The following PCDHA2 variants were observed in gnomAD, a reference collection of about 807,000 sequenced individuals.
The protein encoded by PCDHA2 is protocadherin alpha-2.
Under a neutral mutation model 66.0 loss-of-function variants are expected in PCDHA2, and 58 were observed. That is an observed-to-expected ratio of 0.88 (90% CI 0.71 to 1.09). PCDHA2 has a LOEUF of 1.09. Ranked by LOEUF, PCDHA2 falls within the 50% of genes least tolerant of loss-of-function variation. The pLI is 0.00. For synonymous variants in PCDHA2, 634 were observed against 554.0 expected (o/e 1.14, Z -2.03); for missense variants, 1,267 against 1,242.3 (o/e 1.02, Z -0.30).
chr5:140,871,489 G>C (rs782277615), intron 1 of PCDHA2: 1 of 1,590,138 alleles, frequency 6.3e-7, no homozygotes, highest in Non-Finnish European at 8.6e-7. Context: ...AAATCACCCC[G>C]GACAGGTGAG....
intron 3 of PCDHA2, among the ~76,000 whole-genome samples, chr5:141,007,422 G>C (rs190866782): frequency 7.0e-6 from 1 of 143,592 alleles, no homozygotes; most frequent in Non-Finnish European, 1.5e-5. Flanking sequence ...AAAAAAATTA[G>C]CCAGGCATGG....
intron 1 of PCDHA2, among the ~76,000 whole-genome samples, chr5:140,972,293 C>T (rs912767406): frequency 2.0e-5 from 3 of 151,768 alleles, no homozygotes; most frequent in Non-Finnish European, 4.4e-5. Flanking sequence ...ATGTGCGCCA[C>T]CGTGTCTGAC....
chr5:141,008,346 C>T lies in PCDHA2; in HGVS notation c.2537-1281C>T, dbSNP rs1223206383. Among the ~76,000 whole-genome samples the T allele has an allele frequency of 2.0e-5, 3 of 152,158 alleles. No homozygotes were observed. The East Asian group carries it at 5.8e-4, about 29-fold the overall frequency. On this transcript the variant is annotated intron_variant, in intron 3 of 3. Coordinates refer to ENST00000526136, the MANE Select transcript of PCDHA2 (RefSeq NM_018905.3). ...ACAGTTTATTTGATGGAGCTTTTCA[C>T]GTGTCAACCAAAGGAGCAGTGTTAG...
chr5:140,900,081 G>T (rs1306300563), intron 1 of PCDHA2, among the ~76,000 whole-genome samples: 1 of 152,062 alleles, frequency 6.6e-6, no homozygotes, highest in African/African-American at 2.4e-5. Context: ...AAGTGCTGCA[G>T]TTACAAGCAT....
intron 1 of PCDHA2, chr5:140,883,163 A>C: frequency 6.2e-7 from 1 of 1,614,068 alleles, no homozygotes; most frequent in South Asian, 1.1e-5. Context: ...AAATCCGAAC[A>C]ATGGAGAAAT....
intron 1 of PCDHA2, chr5:140,834,620 G>A (rs1773151452): frequency 1.9e-6 from 3 of 1,614,080 alleles, no homozygotes; most frequent in Non-Finnish European, 2.5e-6. Flanking sequence ...AGGTAAATCT[G>A]CAGAATGGCA....
In PCDHA2 at chr5:140,823,556, G is replaced by C; in HGVS notation, c.2388+26204G>C. ...GCGGGCCACGTGGTGGCGAAGGTGC[G>C]CGCAGTGGACCCTGATTCGGGCTAC... On this transcript the variant is annotated intron_variant, in intron 1 of 3. Coordinates refer to ENST00000526136, the MANE Select transcript of PCDHA2 (RefSeq NM_018905.3). 6.2e-7 allele frequency: 1 copy of C among 1,613,890 alleles called. No homozygotes were observed. Among genetic ancestry groups the C allele is most frequent in the South Asian group, 1.1e-5 (1 of 91,064 alleles).
At chr5:140,807,705 G>T in intron 1 of PCDHA2, 2 of 1,614,218 alleles carry the variant, frequency 1.2e-6, no homozygotes, top group Non-Finnish European at 1.7e-6. Context: ...TACAGACTGA[G>T]CCCAAATGAA....
At position 140,969,194 on chromosome 5, in the gene PCDHA2, A is replaced by G. The variant is rs782262250; in HGVS notation, c.2389-9755A>G. On this transcript the variant is annotated intron_variant, in intron 1 of 3. Coordinates refer to ENST00000526136, the MANE Select transcript of PCDHA2 (RefSeq NM_018905.3). ...AGGGAGTGACACTTTCATGTTTTAC[A>G]ATACAGGGGCCCAGACAGGACCAGG... 1.8e-5 allele frequency: 29 copies of G among 1,614,026 alleles called. No homozygotes were observed. The highest frequency in any genetic ancestry group is 2.3e-5 in the Non-Finnish European group (27 of 1,180,018).
At chr5:140,978,827 G>T (rs2096825118) in intron 1 of PCDHA2, 122 bp from the exon 2 acceptor site, 2 of 1,528,744 alleles carry the variant, frequency 1.3e-6, no homozygotes, top group Admixed American at 2.0e-5. Flanking sequence ...ACATGAAATG[G>T]CTCATTCAAT....
At chr5:140,865,318 CT>C (rs1554159374) in intron 1 of PCDHA2, 1 of 152,042 alleles carries the variant, frequency 6.6e-6, no homozygotes, top group Non-Finnish European at 1.5e-5. Flanking sequence ...ATGAGATGGC[CT>C]TTAATTCTGT....
At chr5:140,987,211 C>T (rs1190567678) in intron 3 of PCDHA2, among the ~76,000 whole-genome samples, 2 of 145,072 alleles carry the variant, frequency 1.4e-5, no homozygotes, top group Non-Finnish European at 3.0e-5. Flanking sequence ...GAGACTCCAT[C>T]TCAAAAAAAA....
chr5:140,980,395 G>T (rs182782153), intron 2 of PCDHA2, among the ~76,000 whole-genome samples: 4 of 152,316 alleles, frequency 2.6e-5, no homozygotes, highest in Non-Finnish European at 5.9e-5. Context: ...ACTTTGGGAG[G>T]CCGAGGTGGG....
chr5:140,838,074 TATAGTGTGTG>T (rs1562368260), intron 1 of PCDHA2, among the ~76,000 whole-genome samples: 2 of 120,528 alleles, frequency 1.7e-5, no homozygotes, highest in African/African-American at 6.6e-5. Flanking sequence ...GTTATATATA[TATAGTGTGTG>T]TGTGTGTGTG....
intron 1 of PCDHA2, among the ~76,000 whole-genome samples, chr5:140,950,427 C>T (rs393858): frequency 0.56 from 85,078 of 151,138 alleles, 24,477 homozygotes; most frequent in African/African-American, 0.69. Flanking sequence ...TTTTCTTCCA[C>T]TTAAAAAAAA....
chr5:140,886,689 G>C (rs1267444522), intron 1 of PCDHA2, among the ~76,000 whole-genome samples: 5 of 152,022 alleles, frequency 3.3e-5, no homozygotes, highest in African/African-American at 1.2e-4. Flanking sequence ...AGCGAGGCAT[G>C]GTGGCACGCG....
chr5:140,823,778 T>C (rs2150129086), intron 1 of PCDHA2: 2 of 1,613,772 alleles, frequency 1.2e-6, no homozygotes, highest in East Asian at 2.2e-5. Context: ...CTGGTGTCGC[T>C]GGTGGAAAGT....
intron 1 of PCDHA2, chr5:140,852,034 G>A (rs1233314142): frequency 2.1e-6 from 2 of 935,712 alleles, no homozygotes; most frequent in Non-Finnish European, 2.6e-6. Flanking sequence ...CGCTTATTGA[G>A]TTTTTGTTAT....
chr5:140,877,243 G>A lies in PCDHA2; in HGVS notation c.2388+79891G>A, dbSNP rs201483899. ...GCGGTCGGTGGGTGCGGGCCACGTG[G>A]TGGCGAAAGTGCGCGCGGTGGACGC... On this transcript the variant is annotated intron_variant, in intron 1 of 3. Transcript: ENST00000526136. The A allele has an allele frequency of 1.2e-5, 20 of 1,613,724 alleles. No individual in the cohort carries two copies. In the African/African-American group the frequency reaches 2.7e-4, roughly 22 times the overall value.
Sources: allele counts gnomAD v4.1 joint callset (sites outside exome capture counted in the v4.1 genomes callset), GRCh38; gene constraint gnomAD v4.1.1; transcripts MANE v1.5; gene names NCBI Gene and HGNC (gene_info 2026-07-23, HGNC 2026-07-21).